UMAD1: variants seen among roughly 807,000 people sequenced by gnomAD.
UMAD1 encodes UBAP1-MVB12-associated (UMA)-domain containing protein 1.
A neutral mutation model predicts 6.1 loss-of-function variants in UMAD1; 8 were observed. That is an observed-to-expected ratio of 1.30 (90% CI 0.76 to 2.35). The LOEUF (loss-of-function observed/expected upper bound fraction) is 2.35. Ranked by LOEUF, UMAD1 falls within the 30% of genes most tolerant of loss-of-function variation. UMAD1 has a pLI of 0.00. For synonymous variants in UMAD1, 56 were observed against 31.4 expected, an observed-to-expected ratio of 1.78 and a Z score of -2.61; for missense variants, 130 against 78.4, an observed-to-expected ratio of 1.66 and a Z score of -2.49.
chr7:7,698,740 T>C (rs2115149771), intron 2 of UMAD1, among the ~76,000 whole-genome samples: 1 of 152,248 alleles, frequency 6.6e-6, no homozygotes, highest in Admixed American at 6.6e-5. Context: ...ACTTCTTTAA[T>C]GACTATTTAG....
At chr7:7,749,083 T>C (rs544384391) in intron 2 of UMAD1, among the ~76,000 whole-genome samples, 121 of 152,360 alleles carry the variant, frequency 7.9e-4, no homozygotes, top group African/African-American at 2.7e-3. Flanking sequence ...TTTTAAACTT[T>C]CTAGCATGAG....
intron 2 of UMAD1, among the ~76,000 whole-genome samples, chr7:7,774,143 G>C (rs1357443880): frequency 6.6e-6 from 1 of 152,156 alleles, no homozygotes; most frequent in Non-Finnish European, 1.5e-5. Context: ...TCTCTGAGCA[G>C]CTTCTCAGGC....
At chr7:7,801,806 C>T in intron 3 of UMAD1, 63 bp downstream of exon 3, 2 of 707,472 alleles carry the variant, frequency 2.8e-6, no homozygotes, top group Non-Finnish European at 5.2e-6. Flanking sequence ...TTACTTATGC[C>T]TCCGAGGATA....
intron 3 of UMAD1, among the ~76,000 whole-genome samples, chr7:7,807,573 C>T (rs1190936300): frequency 6.6e-6 from 1 of 151,958 alleles, no homozygotes; most frequent in Non-Finnish European, 1.5e-5. Context: ...GTACATCTCT[C>T]GACCTTATGG....
chr7:7,804,517 C>A (rs1782867927), intron 3 of UMAD1, among the ~76,000 whole-genome samples: 1 of 152,034 alleles, frequency 6.6e-6, no homozygotes, highest in Non-Finnish European at 1.5e-5. Flanking sequence ...TACTAAAATA[C>A]AAAAAATTAG....
chr7:7,848,904 A>G (rs989099959), intron 3 of UMAD1, among the ~76,000 whole-genome samples: 3 of 152,110 alleles, frequency 2.0e-5, no homozygotes, highest in Non-Finnish European at 2.9e-5. Context: ...TAACAATACA[A>G]TTTCTCTTGT....
intron 2 of UMAD1, chr7:7,742,710 T>A (rs1781496133): frequency 4.3e-6 from 1 of 234,364 alleles, no homozygotes; most frequent in African/African-American, 2.3e-5. Context: ...CATTTGAAAT[T>A]CTGTATTTAT....
At chr7:7,860,604 C>CAAAAAAAAAAAAAAA (rs373823869) in intron 3 of UMAD1, among the ~76,000 whole-genome samples, 26 of 93,832 alleles carry the variant, frequency 2.8e-4, no homozygotes, top group South Asian at 3.9e-4. Flanking sequence ...ACTAAAAATA[C>CAAAAAAAAAAAAAAA]AAAAAAAAAA....
At chr7:7,671,781 A>G (rs563006765) in intron 1 of UMAD1, among the ~76,000 whole-genome samples, 4 of 152,070 alleles carry the variant, frequency 2.6e-5, no homozygotes, top group South Asian at 2.1e-4. Flanking sequence ...CTTGCTCTCT[A>G]TAGAGAGTGC....
intron 3 of UMAD1, among the ~76,000 whole-genome samples, chr7:7,843,618 G>C (rs1377382554): frequency 1.3e-5 from 2 of 152,096 alleles, no homozygotes; most frequent in African/African-American, 4.8e-5. Context: ...TATTTGGATA[G>C]AGTTCAAACT....
chr7:7,730,180 T>G (rs1781219740), intron 2 of UMAD1, among the ~76,000 whole-genome samples: 1 of 152,218 alleles, frequency 6.6e-6, no homozygotes, highest in Non-Finnish European at 1.5e-5. Flanking sequence ...TCTTCTGTGG[T>G]CTTTTCTCAT....
chr7:7,784,955 G>T (rs1782433511), intron 2 of UMAD1, among the ~76,000 whole-genome samples: 1 of 151,944 alleles, frequency 6.6e-6, no homozygotes, highest in African/African-American at 2.4e-5. Flanking sequence ...GTAGAGACGG[G>T]GTTTCACCGT....
intron 3 of UMAD1, among the ~76,000 whole-genome samples, chr7:7,806,533 T>C (rs1316925076): frequency 6.6e-6 from 1 of 152,216 alleles, no homozygotes; most frequent in Non-Finnish European, 1.5e-5. Context: ...GATTTCTGGG[T>C]AGATAAATGA....
At chr7:7,696,726 G>C (rs80047105) in intron 2 of UMAD1, among the ~76,000 whole-genome samples, 3,605 of 152,170 alleles carry the variant, frequency 0.024, 143 homozygotes, top group African/African-American at 0.083. Context: ...CTCAAAGTCA[G>C]CTCTCAATAG....
intron 3 of UMAD1, among the ~76,000 whole-genome samples, chr7:7,844,039 T>C (rs1783737553): frequency 6.6e-6 from 1 of 152,246 alleles, no homozygotes; most frequent in South Asian, 2.1e-4. Context: ...AATGAAGGAA[T>C]GCTTTTGCGT....
chr7:7,664,419 G>A (rs1262679315), intron 1 of UMAD1, among the ~76,000 whole-genome samples: 1 of 152,100 alleles, frequency 6.6e-6, no homozygotes, highest in Non-Finnish European at 1.5e-5. Context: ...GCCCAGTAAT[G>A]TCCAACAAAT....
At chr7:7,706,459 C>A (rs6967126) in intron 2 of UMAD1, among the ~76,000 whole-genome samples, 61,952 of 151,882 alleles carry the variant, frequency 0.41, 12,793 homozygotes, top group Middle Eastern at 0.48. Context: ...AAAAATGAAA[C>A]CTATATAACA....
chr7:7,719,066 T>G (rs1244647739), intron 2 of UMAD1, among the ~76,000 whole-genome samples: 1 of 146,556 alleles, frequency 6.8e-6, no homozygotes, highest in Non-Finnish European at 1.5e-5. Flanking sequence ...TTCCTTTTAT[T>G]GTGTTAAAAA....
At chr7:7,765,113 G>A (rs921492721) in intron 2 of UMAD1, among the ~76,000 whole-genome samples, 1 of 151,410 alleles carries the variant, frequency 6.6e-6, no homozygotes, top group African/African-American at 2.4e-5. Flanking sequence ...TCCCAAATCT[G>A]ACAAATATAT....
Sources: allele counts gnomAD v4.1 joint callset (sites outside exome capture counted in the v4.1 genomes callset), GRCh38; gene constraint gnomAD v4.1.1; transcripts MANE v1.5; gene names NCBI Gene and HGNC (gene_info 2026-07-23, HGNC 2026-07-21).